CCNI: variants seen among roughly 807,000 people sequenced by gnomAD.
CCNI encodes the protein cyclin-I.
CCNI carries 14 observed loss-of-function variants against 34.1 expected under a neutral mutation model. The ratio of observed to expected loss-of-function variants is 0.41; its 90% confidence interval spans 0.27 to 0.64. The LOEUF is 0.64. CCNI is among the 30% of genes least tolerant of loss of function. CCNI has a pLI of 0.31. For synonymous variants in CCNI, 154 were observed against 158.4 expected (o/e 0.97, Z 0.21); for missense variants, 385 against 440.5 (o/e 0.87, Z 1.13).
intron 2 of CCNI, among the ~76,000 whole-genome samples, chr4:77,063,344 TAAAAAAA>T (rs745761323): frequency 6.7e-4 from 52 of 77,234 alleles, no homozygotes; most frequent in South Asian, 1.7e-3. Flanking sequence ...GAAAGGGAGG[TAAAAAAA>T]AAAAAAAAAA....
chr4:77,064,349 G>A (rs1200791730), intron 2 of CCNI, among the ~76,000 whole-genome samples: 1 of 152,030 alleles, frequency 6.6e-6, no homozygotes, highest in Non-Finnish European at 1.5e-5. Flanking sequence ...ATATATTATT[G>A]TTGGTTACAT....
intron 2 of CCNI, among the ~76,000 whole-genome samples, chr4:77,064,197 C>T (rs1283349502): frequency 1.3e-5 from 2 of 151,252 alleles, no homozygotes; most frequent in African/African-American, 4.9e-5. Context: ...GAGCCGAGAT[C>T]ATGCCATTGC....
At position 77,056,291 on chromosome 4, in the gene CCNI, G is replaced by A. The variant is rs1261482770; in HGVS notation, c.276C>T (p.Ile92=). 2.5e-6 allele frequency: 4 copies of A among 1,613,668 alleles called. 1 individual carries two copies. Among genetic ancestry groups the A allele is most frequent in the South Asian group, 2.2e-5 (2 of 91,072 alleles). The stretch of plus-strand genomic sequence containing the variant: ...TCTTGGCAGCTAGGAAAAAACAGCT[G>A]ATTGCAATACAACTCAAGTATTTTG... The part of the protein sequence containing the change: ...AHPKYLSCIA[I]SCFFLAAKTV... The change falls in exon 4 of 7, where the codon ATC becomes ATT. Residue 92 remains isoleucine, a synonymous_variant. Transcript: ENST00000237654.
At position 77,074,492 on chromosome 4, in the gene CCNI, G is replaced by A. The variant is rs191227063; in HGVS notation, c.-44+980C>T. Among the ~76,000 whole-genome samples the A allele has an allele frequency of 3.3e-4, 50 of 152,306 alleles. No individual in the cohort carries two copies. The East Asian group carries it at 5.4e-3, about 16-fold the overall frequency. Reference sequence around the variant, plus strand: ...TTCAGGACAGAGACCACACAGCGTAGAATCAGACTTAATTCTGGCTACTGG... The same window carrying A: ...TTCAGGACAGAGACCACACAGCGTAAAATCAGACTTAATTCTGGCTACTGG... On this transcript the variant is annotated intron_variant, in intron 1 of 6. Coordinates refer to ENST00000237654, the MANE Select transcript of CCNI (RefSeq NM_006835.3).
chr4:77,064,100 G>A (rs1021254882), intron 2 of CCNI, among the ~76,000 whole-genome samples: 2 of 152,032 alleles, frequency 1.3e-5, no homozygotes, highest in African/African-American at 4.8e-5. Context: ...AAATTAGCCA[G>A]GTATGGTGGC....
chr4:77,054,452 C>T (rs879561541), intron 6 of CCNI, among the ~76,000 whole-genome samples: 8 of 152,116 alleles, frequency 5.3e-5, no homozygotes, highest in Non-Finnish European at 1.2e-4. Flanking sequence ...GATCTAAACT[C>T]GGTAAGTTCT....
chr4:77,056,885 C>T (rs1728279991), intron 3 of CCNI, among the ~76,000 whole-genome samples: 2 of 152,090 alleles, frequency 1.3e-5, no homozygotes, highest in African/African-American at 4.8e-5. Context: ...GCCACCGTGC[C>T]CGGCCTGAGA....
chr4:77,066,723 G>C (rs2109835330), intron 1 of CCNI, among the ~76,000 whole-genome samples: 1 of 152,244 alleles, frequency 6.6e-6, no homozygotes, highest in East Asian at 1.9e-4. Context: ...GGAATTCTTA[G>C]AAGTAGTTAT....
intron 6 of CCNI, among the ~76,000 whole-genome samples, chr4:77,049,977 C>T (rs998717141): frequency 6.6e-6 from 1 of 152,122 alleles, no homozygotes; most frequent in Non-Finnish European, 1.5e-5. Flanking sequence ...CACCCCAATG[C>T]CTACCAGAAA....
intron 6 of CCNI, among the ~76,000 whole-genome samples, chr4:77,054,153 C>CT: frequency 1.3e-5 from 2 of 152,266 alleles, no homozygotes; most frequent in South Asian, 4.1e-4. Context: ...AGACATACTT[C>CT]TTAAAATGTT....
At position 77,066,005 on chromosome 4, in the gene CCNI, G is replaced by A. The variant is rs1481731348; in HGVS notation, c.114+244C>T. Among the ~76,000 whole-genome samples the A allele has an allele frequency of 2.0e-5, 3 of 152,202 alleles. No individual in the cohort carries two copies. The East Asian group carries it at 5.8e-4, about 29-fold the overall frequency. On this transcript the variant is annotated intron_variant, in intron 2 of 6. Transcript: ENST00000237654. Reference sequence around the variant, plus strand: ...AGTCCCAGCTACTCAGGAGGCTGAGGTGAGAGGATTGCTTGAGCCCGGGAG... The same window carrying A: ...AGTCCCAGCTACTCAGGAGGCTGAGATGAGAGGATTGCTTGAGCCCGGGAG...
rs1332277083 is a variant in CCNI, at chr4:77,047,511, T to C, written c.*708A>G. On this transcript the variant is annotated 3_prime_UTR_variant, in exon 7 of 7. Coordinates refer to ENST00000237654, the MANE Select transcript of CCNI (RefSeq NM_006835.3). ...CTGGATATATTTATCACAAATTCTT[T>C]TATACAAATGTCGAAAATGCTTTCA... 1 of 152,192 alleles carries C rather than the reference T, an allele frequency of 6.6e-6. No homozygotes were observed. Among genetic ancestry groups the C allele is most frequent in the Non-Finnish European group, 1.5e-5 (1 of 68,034 alleles). The allele number at this position is 152,192 out of a possible 1,614,324, so 9.4% of individuals were successfully genotyped here. A position where few individuals can be genotyped will look rare whatever the true frequency, so the allele number is the denominator to read the frequency against.
In CCNI at chr4:77,048,333, G is replaced by A; in HGVS notation, c.1020C>T (p.Leu340=). Residue 340 remains leucine (L), a synonymous_variant, in exon 7 of 7, where the codon CTC becomes CTT. Transcript: ENST00000237654. ...VDDFYDGIKR[L]YNEDNVSENV... ...TTTCTGAGACATTATCTTCATTATAGAGCCGTTTGATTCCATCATAGAAGT... is the reference window on the plus strand; with the variant it reads ...TTTCTGAGACATTATCTTCATTATAAAGCCGTTTGATTCCATCATAGAAGT... 1.2e-6 allele frequency: 2 copies of A among 1,614,002 alleles called. No homozygotes were observed. The highest frequency in any genetic ancestry group is 2.2e-5 in the East Asian group (1 of 44,870).
rs1727523434 is a variant in CCNI at position 77,047,668 on chromosome 4, T to C, written c.*551A>G. The C allele has an allele frequency of 6.6e-6, 1 of 152,244 alleles. No homozygotes were observed. Among genetic ancestry groups the C allele is most frequent in the East Asian group, 1.9e-4 (1 of 5,198 alleles). The allele number at this position is 152,244 out of a possible 1,614,324, so 9.4% of individuals were successfully genotyped here. On this transcript the variant is annotated 3_prime_UTR_variant, in exon 7 of 7. Transcript: ENST00000237654. ...AACCTGGTAATATGAGAACTTTTTC[T>C]TTTGCCATCTCTGATTAATATGGGA...
Position 77,075,662 on chromosome 4 carries a change from G to C in CCNI, c.-234C>G. The C allele has an allele frequency of 1.4e-6, 1 of 711,844 alleles. No homozygotes were observed. Among genetic ancestry groups the C allele is most frequent in the Non-Finnish European group, 1.7e-6 (1 of 580,890 alleles). The allele number at this position is 711,844 out of a possible 1,614,324, so 44.1% of individuals were successfully genotyped here. A position where few individuals can be genotyped will look rare whatever the true frequency, so the allele number is the denominator to read the frequency against. Reference sequence around the variant, plus strand: ...ATCGGGGGGCGCGGGCGCGGGCGCTGGCGCTCGAGCGGGACGCACGGCTGC... The same window carrying C: ...ATCGGGGGGCGCGGGCGCGGGCGCTCGCGCTCGAGCGGGACGCACGGCTGC... On this transcript the variant is annotated 5_prime_UTR_variant, in exon 1 of 7. Transcript: ENST00000237654.
At chr4:77,071,394 C>A (rs1432154376) in intron 1 of CCNI, among the ~76,000 whole-genome samples, 1 of 152,044 alleles carries the variant, frequency 6.6e-6, no homozygotes, top group Admixed American at 6.5e-5. Context: ...AATGCCTCTA[C>A]TAAAAAAGGA....
intron 1 of CCNI, among the ~76,000 whole-genome samples, chr4:77,071,282 C>A (rs888918030): frequency 1.3e-5 from 2 of 152,112 alleles, no homozygotes; most frequent in African/African-American, 2.4e-5. Context: ...AGAAGAGTCA[C>A]AGGGGAAATT....
chr4:77,051,998 C>G (rs1222104356), intron 6 of CCNI, among the ~76,000 whole-genome samples: 2 of 150,134 alleles, frequency 1.3e-5, no homozygotes, highest in African/African-American at 4.9e-5. Context: ...TTAGATGGTA[C>G]ATGTGCAGGT....
Position 77,066,322 on chromosome 4 carries a change from A to G in CCNI, c.41T>C (p.Phe14Ser), listed in dbSNP as rs375482180. The G allele has an allele frequency of 6.2e-7, 1 of 1,613,938 alleles. No individual in the cohort carries two copies. The highest frequency in any genetic ancestry group is 8.5e-7 in the Non-Finnish European group (1 of 1,179,912). ...CCTAGTGATTGCCTTTTCCAACAGG[A>G]AAGACAATCTCTGGTTTTCCAAAGG... The part of the protein sequence containing the change: ...PGPLENQRLS[F>S]LLEKAITREA... The change falls in exon 2 of 7, where the codon TTC becomes TCC. Residue 14 changes from phenylalanine (F) to serine (S), a missense_variant. Physicochemically the swap from Phe to Ser is radical, Grantham distance 155. Transcript: ENST00000237654.
Sources: gnomAD v4.1 joint callset for allele counts (sites outside exome capture counted in the v4.1 genomes callset) on GRCh38, gnomAD v4.1.1 for gene constraint, MANE v1.5 for transcripts, NCBI Gene and HGNC (gene_info 2026-07-23, HGNC 2026-07-21) for gene names.